The following CNBD1 variants were observed in gnomAD, a reference collection of about 807,000 sequenced individuals.
The protein encoded by CNBD1 is cyclic nucleotide binding domain containing 1.
CNBD1 carries 71 observed loss-of-function variants against 54.4 expected under a neutral mutation model. That is an observed-to-expected ratio of 1.30 (90% CI 1.08 to 1.59). The LOEUF is 1.59. Ranked by LOEUF, CNBD1 falls within the 40% of genes most tolerant of loss-of-function variation. The pLI is 0.00. For synonymous variants in CNBD1, 182 were observed against 170.7 expected, an observed-to-expected ratio of 1.07 and a Z score of -0.51; for missense variants, 659 against 518.0, an observed-to-expected ratio of 1.27 and a Z score of -2.64.
At chr8:87,181,943 A>G (rs1024729124) in intron 4 of CNBD1, among the ~76,000 whole-genome samples, 6 of 152,018 alleles carry the variant, frequency 3.9e-5, no homozygotes, top group Admixed American at 3.3e-4. Flanking sequence ...GGTTTTTTCC[A>G]TGAGTACATT....
At chr8:87,355,802 G>A (rs1810408785) in intron 10 of CNBD1, among the ~76,000 whole-genome samples, 1 of 152,096 alleles carries the variant, frequency 6.6e-6, no homozygotes, top group Non-Finnish European at 1.5e-5. Context: ...TGATTTGGAT[G>A]TTTGTCCTTT....
At chr8:86,919,531 G>A (rs892926362) in intron 3 of CNBD1, among the ~76,000 whole-genome samples, 1 of 152,108 alleles carries the variant, frequency 6.6e-6, no homozygotes, top group Non-Finnish European at 1.5e-5. Flanking sequence ...CTGAAGCTTA[G>A]CTGTTTGTGA....
rs980977842 is a variant in CNBD1 at position 87,181,635 on chromosome 8, CA to C, written c.432-24354del. On this transcript the variant is annotated intron_variant, in intron 4 of 10. Transcript: ENST00000518476. ...CTTCTCAGTGTGGCTACAGGTTTTT[CA>C]AAATTATTGATCTTCAAAAAACCAA... Among the ~76,000 whole-genome samples the C allele has an allele frequency of 8.7e-4, 133 of 152,210 alleles. 1 individual carries two copies. Among genetic ancestry groups the C allele is most frequent in the African/African-American group, 3.1e-3 (129 of 41,540 alleles).
intron 6 of CNBD1, among the ~76,000 whole-genome samples, chr8:87,278,721 C>T (rs1051852917): frequency 4.6e-5 from 7 of 151,536 alleles, no homozygotes; most frequent in East Asian, 1.9e-4. Flanking sequence ...GTAGAAAGAA[C>T]TGAAGAACAA....
chr8:87,379,073 C>A (rs1470526712), intron 10 of CNBD1, among the ~76,000 whole-genome samples: 2 of 151,042 alleles, frequency 1.3e-5, no homozygotes, highest in Non-Finnish European at 2.9e-5. Flanking sequence ...ATGGGGTTTT[C>A]TAGATATACA....
intron 5 of CNBD1, among the ~76,000 whole-genome samples, chr8:87,227,015 G>C (rs1814515085): frequency 6.6e-6 from 1 of 150,594 alleles, no homozygotes; most frequent in Non-Finnish European, 1.5e-5. Flanking sequence ...TGTCTCTTTT[G>C]ATCTTTGTTG....
chr8:87,057,549 A>C (rs1022552378), intron 4 of CNBD1, among the ~76,000 whole-genome samples: 1 of 152,154 alleles, frequency 6.6e-6, no homozygotes, highest in Non-Finnish European at 1.5e-5. Flanking sequence ...ATGTCCTCAC[A>C]TTTCAAAACA....
At chr8:87,081,836 T>C (rs1303731234) in intron 4 of CNBD1, among the ~76,000 whole-genome samples, 1 of 152,136 alleles carries the variant, frequency 6.6e-6, no homozygotes, top group Non-Finnish European at 1.5e-5. Context: ...TGAAAATTAA[T>C]TCAAATAGGC....
chr8:86,978,375 A>C (rs1808390311), intron 4 of CNBD1, among the ~76,000 whole-genome samples: 1 of 152,142 alleles, frequency 6.6e-6, no homozygotes, highest in Non-Finnish European at 1.5e-5. Flanking sequence ...AAACAAAGAT[A>C]AATGAGATAG....
intron 4 of CNBD1, among the ~76,000 whole-genome samples, chr8:87,006,757 T>C (rs543509148): frequency 1.3e-5 from 2 of 152,324 alleles, no homozygotes; most frequent in South Asian, 4.1e-4. Context: ...CCATATCAGA[T>C]GACAACTCCT....
At chr8:86,925,958 G>A (rs1809353268) in intron 3 of CNBD1, among the ~76,000 whole-genome samples, 1 of 152,090 alleles carries the variant, frequency 6.6e-6, no homozygotes, top group Non-Finnish European at 1.5e-5. Flanking sequence ...CAGGGTAAAA[G>A]GAACCCAAGT....
At chr8:87,248,298 C>T (rs1413845710) in intron 6 of CNBD1, among the ~76,000 whole-genome samples, 1 of 152,174 alleles carries the variant, frequency 6.6e-6, no homozygotes, top group Non-Finnish European at 1.5e-5. Flanking sequence ...GAAAAAGGAA[C>T]TTATGCCACC....
intron 4 of CNBD1, among the ~76,000 whole-genome samples, chr8:87,044,042 C>G (rs549974852): frequency 8.5e-5 from 13 of 152,072 alleles, no homozygotes; most frequent in Non-Finnish European, 1.9e-4. Flanking sequence ...TTATTTGTGT[C>G]CTTTATATGT....
At chr8:87,315,443 A>C (rs1809365782) in intron 8 of CNBD1, among the ~76,000 whole-genome samples, 1 of 151,840 alleles carries the variant, frequency 6.6e-6, no homozygotes, top group African/African-American at 2.4e-5. Flanking sequence ...GCAGGCATCT[A>C]CTTGGCTTCT....
intron 8 of CNBD1, among the ~76,000 whole-genome samples, chr8:87,336,942 G>C (rs1444866419): frequency 6.6e-6 from 1 of 152,002 alleles, no homozygotes; most frequent in Non-Finnish European, 1.5e-5. Flanking sequence ...TCTTTCAATA[G>C]TCAGGCCCCT....
chr8:86,977,101 T>G (rs1808360766), intron 4 of CNBD1, among the ~76,000 whole-genome samples: 1 of 152,090 alleles, frequency 6.6e-6, no homozygotes, highest in Non-Finnish European at 1.5e-5. Context: ...GTTTTATTCC[T>G]GATCTTAGGG....
chr8:87,100,775 A>C (rs1811414050), intron 4 of CNBD1, among the ~76,000 whole-genome samples: 1 of 152,136 alleles, frequency 6.6e-6, no homozygotes, highest in Non-Finnish European at 1.5e-5. Flanking sequence ...ATGCCTGGCC[A>C]GAAAGCCAAA....
Position 87,265,872 on chromosome 8 carries a change from T to C in CNBD1, c.772-18806T>C, listed in dbSNP as rs936756589. Among the ~76,000 whole-genome samples the C allele has an allele frequency of 3.4e-4, 52 of 152,068 alleles. 1 individual carries two copies. The highest frequency in any genetic ancestry group is 7.5e-4 in the Non-Finnish European group (51 of 68,016). On this transcript the variant is annotated intron_variant, in intron 6 of 10. Transcript: ENST00000518476. ...GAAACTACTGAAGAAATGAGTAAAA[T>C]ATTAGAAAACATTCTTGTAAACACA...
chr8:86,885,831 T>G (rs2131785079), intron 1 of CNBD1, among the ~76,000 whole-genome samples: 1 of 152,336 alleles, frequency 6.6e-6, no homozygotes, highest in Middle Eastern at 3.4e-3. Flanking sequence ...TTGAGTTTAC[T>G]TGGCTGTTCC....
Sources: gnomAD v4.1 joint callset for allele counts (sites outside exome capture counted in the v4.1 genomes callset) on GRCh38, gnomAD v4.1.1 for gene constraint, MANE v1.5 for transcripts, NCBI Gene and HGNC (gene_info 2026-07-23, HGNC 2026-07-21) for gene names.